NCAM2: variants seen among roughly 807,000 people sequenced by gnomAD.
NCAM2 encodes the protein N-CAM-2.
Under a neutral mutation model 98.1 loss-of-function variants are expected in NCAM2, and 30 were observed. The observed-to-expected ratio is 0.31, with a 90% CI of 0.23 to 0.41. The LOEUF (loss-of-function observed/expected upper bound fraction) is 0.41. Ranked by LOEUF, NCAM2 falls within the 10% of genes least tolerant of loss-of-function variation. NCAM2 has a pLI of 1.00. For synonymous variants in NCAM2, 368 were observed against 342.4 expected (o/e 1.07, Z -0.83); for missense variants, 867 against 1,005.8 (o/e 0.86, Z 1.87).
intron 1 of NCAM2, among the ~76,000 whole-genome samples, chr21:21,097,837 A>G (rs1423064454): frequency 8.7e-6 from 1 of 114,932 alleles, no homozygotes; most frequent in African/African-American, 2.8e-5. Context: ...TCACAAATAT[A>G]ACCCAGAATT....
At chr21:21,259,024 C>T (rs548260435) in intron 1 of NCAM2, among the ~76,000 whole-genome samples, 1 of 152,254 alleles carries the variant, frequency 6.6e-6, no homozygotes, top group South Asian at 2.1e-4. Flanking sequence ...TGCCTTGCCC[C>T]ATTCATTGCT....
intron 1 of NCAM2, among the ~76,000 whole-genome samples, chr21:21,071,264 G>A (rs2065556681): frequency 1.3e-5 from 2 of 152,160 alleles, no homozygotes; most frequent in South Asian, 4.1e-4. Context: ...AGGAACATGA[G>A]GAATGAAGGG....
At chr21:21,471,852 A>G (rs573920011) in intron 14 of NCAM2, among the ~76,000 whole-genome samples, 203 of 152,142 alleles carry the variant, frequency 1.3e-3, no homozygotes, top group African/African-American at 4.5e-3. Flanking sequence ...CTCACCCATT[A>G]CAAAGACAGA....
chr21:21,265,769 G>A (rs995054499), intron 1 of NCAM2, among the ~76,000 whole-genome samples: 7 of 151,854 alleles, frequency 4.6e-5, no homozygotes, highest in African/African-American at 1.7e-4. Flanking sequence ...AAAGGAGAGG[G>A]GGAAATGTGT....
chr21:21,534,236 T>G (rs1301455070), intron 16 of NCAM2, among the ~76,000 whole-genome samples: 1 of 152,070 alleles, frequency 6.6e-6, no homozygotes, highest in Non-Finnish European at 1.5e-5. Flanking sequence ...TATTTTCATT[T>G]TTTTCAAAAT....
In NCAM2 at chr21:21,302,391, GT is replaced by G. The variant is rs548701770; in HGVS notation, c.619+10157del. 1.8e-4 allele frequency among the ~76,000 whole-genome samples: 27 copies of G among 152,060 alleles called. No homozygotes were observed. In the South Asian group the frequency reaches 4.6e-3, roughly 26 times the overall value. ...ATAGGGAGTTCTTTCCCCAGTGCTTGTTTTTTTGGCCTTGTTGAAGCTGAAA... is the reference window on the plus strand; with the variant it reads ...ATAGGGAGTTCTTTCCCCAGTGCTTGTTTTTTGGCCTTGTTGAAGCTGAAA... On this transcript the variant is annotated intron_variant, in intron 5 of 17. Transcript: ENST00000400546.
intron 1 of NCAM2, among the ~76,000 whole-genome samples, chr21:21,183,468 A>G (rs1366292920): frequency 6.6e-6 from 1 of 152,126 alleles, no homozygotes; most frequent in African/African-American, 2.4e-5. Context: ...CCATGGGGAC[A>G]TATTAGTGGG....
intron 1 of NCAM2, among the ~76,000 whole-genome samples, chr21:21,114,133 A>G (rs930028165): frequency 6.6e-6 from 1 of 152,192 alleles, no homozygotes; most frequent in Non-Finnish European, 1.5e-5. Context: ...TACAGTATTT[A>G]TTAGAAAAAT....
intron 5 of NCAM2, among the ~76,000 whole-genome samples, chr21:21,297,808 A>C (rs1220219465): frequency 6.6e-6 from 1 of 151,826 alleles, no homozygotes; most frequent in Non-Finnish European, 1.5e-5. Flanking sequence ...TAGAGTGTTC[A>C]TTTTATAAAA....
chr21:21,142,828 C>T (rs906060637), intron 1 of NCAM2, among the ~76,000 whole-genome samples: 1 of 151,974 alleles, frequency 6.6e-6, no homozygotes, highest in Admixed American at 6.6e-5. Context: ...TTATAAAAAC[C>T]ATAATTAAAT....
chr21:21,106,679 T>C (rs2066356440), intron 1 of NCAM2, among the ~76,000 whole-genome samples: 1 of 150,896 alleles, frequency 6.6e-6, no homozygotes, highest in South Asian at 2.1e-4. Flanking sequence ...GAAGAAAAAA[T>C]CATGAGAATG....
intron 1 of NCAM2, among the ~76,000 whole-genome samples, chr21:21,186,151 C>G (rs545854502): frequency 6.6e-6 from 1 of 151,992 alleles, no homozygotes; most frequent in South Asian, 2.1e-4. Context: ...TATCGCTAGT[C>G]CCATTATAAA....
chr21:21,300,982 T>G (rs1166546499), intron 5 of NCAM2, among the ~76,000 whole-genome samples: 1 of 152,062 alleles, frequency 6.6e-6, no homozygotes, highest in Non-Finnish European at 1.5e-5. Flanking sequence ...TATATAGATA[T>G]GCGTTTGTGT....
At position 21,304,463 on chromosome 21, in the gene NCAM2, G is replaced by T. The variant is rs193273942; in HGVS notation, c.619+12222G>T. Among the ~76,000 whole-genome samples the T allele has an allele frequency of 4.7e-4, 72 of 151,728 alleles. 2 individuals are homozygous for T. The East Asian group carries it at 0.014, about 29-fold the overall frequency. On this transcript the variant is annotated intron_variant, in intron 5 of 17. Coordinates refer to ENST00000400546, the MANE Select transcript of NCAM2 (RefSeq NM_004540.5). ...TTTAGGGAATCTATTCTGTTCCATT[G>T]ATCTATTTATTTGTCCCTTTACACC...
intron 14 of NCAM2, among the ~76,000 whole-genome samples, chr21:21,476,109 G>A (rs1985135841): frequency 6.6e-6 from 1 of 152,084 alleles, no homozygotes. Context: ...ACTCAAAGAA[G>A]CAGTGTTAAA....
At chr21:21,139,083 T>C (rs1037033462) in intron 1 of NCAM2, among the ~76,000 whole-genome samples, 1 of 152,206 alleles carries the variant, frequency 6.6e-6, no homozygotes, top group Non-Finnish European at 1.5e-5. Context: ...TCTTGATATG[T>C]AGAGAGAATC....
At chr21:21,120,719 G>GTTTT (rs56905252) in intron 1 of NCAM2, among the ~76,000 whole-genome samples, 4 of 142,248 alleles carry the variant, frequency 2.8e-5, no homozygotes, top group Non-Finnish European at 4.6e-5. Context: ...TTTTTTGTGG[G>GTTTT]TTTTTTTTTT....
intron 1 of NCAM2, among the ~76,000 whole-genome samples, chr21:21,271,860 C>T (rs2072512767): frequency 6.6e-6 from 1 of 151,894 alleles, no homozygotes; most frequent in South Asian, 2.1e-4. Flanking sequence ...CACTTGGACA[C>T]AGGAAGGGGA....
chr21:21,153,886 T>C (rs569888719), intron 1 of NCAM2, among the ~76,000 whole-genome samples: 12 of 151,938 alleles, frequency 7.9e-5, no homozygotes, highest in South Asian at 4.1e-4. Flanking sequence ...AGTAGCTAGG[T>C]CAAAGTATGA....
Sources: allele counts gnomAD v4.1 joint callset (sites outside exome capture counted in the v4.1 genomes callset), GRCh38; gene constraint gnomAD v4.1.1; transcripts MANE v1.5; gene names NCBI Gene and HGNC (gene_info 2026-07-23, HGNC 2026-07-21).